SLC35G4: variants seen among roughly 807,000 people sequenced by gnomAD.
The protein encoded by SLC35G4 is solute carrier family 35 member G4.
A neutral mutation model predicts 15.8 loss-of-function variants in SLC35G4; 12 were observed. The ratio of observed to expected loss-of-function variants is 0.76; its 90% CI spans 0.49 to 1.23. The LOEUF (loss-of-function observed/expected upper bound fraction) is 1.23, where lower values mean the gene tolerates loss of function less well. Among genes scored for constraint, SLC35G4 ranks in the 50% most tolerant of loss-of-function variants. The pLI, the probability that SLC35G4 is intolerant of heterozygous loss-of-function variation, is 0.00. For missense variants in SLC35G4, 390 were observed against 422.1 expected (o/e 0.92, Z 0.67); for synonymous variants, 177 against 186.5 (o/e 0.95, Z 0.41).
rs2143128192 is a variant in SLC35G4, at chr18:11,609,631, C to T, written c.36C>T (p.Asp12=). Residue 12 remains aspartate (D), a synonymous_variant, in exon 1 of 1, where the codon GAC becomes GAT. Coordinates refer to ENST00000588001, the MANE Select transcript of SLC35G4 (RefSeq NM_001282300.2). ...AGSHPYFNLP[D]STHPSPPSTP... Reference sequence around the variant, plus strand: ...GTCACCCCTACTTCAACCTGCCTGACTCCACACACCCATCGCCGCCCTCCA... The same window carrying T: ...GTCACCCCTACTTCAACCTGCCTGATTCCACACACCCATCGCCGCCCTCCA... 15 of 1,610,110 alleles carry T rather than the reference C, an allele frequency of 9.3e-6. No homozygotes were observed. The highest frequency in any genetic ancestry group is 2.2e-5 in the East Asian group (1 of 44,802).
In SLC35G4 at chr18:11,610,097, G is replaced by A. The variant is rs759179788; in HGVS notation, c.502G>A (p.Gly168Arg). 19 of 1,613,744 alleles carry A rather than the reference G, an allele frequency of 1.2e-5. No individual in the cohort carries two copies. In the African/African-American group the frequency reaches 2.3e-4, roughly 19 times the overall value. The change falls in exon 1 of 1, where the codon GGA (glycine) becomes AGA (arginine). Residue 168 changes from glycine to arginine, a missense_variant. Gly to Arg is a moderately radical substitution (Grantham distance 125). This residue lies in a region of SLC35G4 where 331 missense variants were observed against 241.1 expected (regional missense o/e 1.37). Transcript: ENST00000588001. ...GTGTGGACTGTTGGGCAGCATCCTAGGACTAATAATCATTGTGGGACCTGG... is the reference window on the plus strand; with the variant it reads ...GTGTGGACTGTTGGGCAGCATCCTAAGACTAATAATCATTGTGGGACCTGG... ...DWCGLLGSIL[G>R]LIIIVGPGLW...
Position 11,610,436 on chromosome 18 carries a change from C to A in SLC35G4, c.841C>A (p.Leu281Met). The A allele has an allele frequency of 6.3e-7, 1 of 1,584,544 alleles. No individual in the cohort carries two copies. Among genetic ancestry groups the A allele is most frequent in the Non-Finnish European group, 8.6e-7 (1 of 1,164,080 alleles). ...TGCGGTCACCAAGGCCCACCCTGCC[C>A]TGGTGTGTGCTGTCCTGCATTCCGA... is the stretch of plus-strand genomic sequence containing the variant. ...GYAVTKAHPA[L>M]VCAVLHSEVV... The change falls in exon 1 of 1, where the codon CTG becomes ATG. Residue 281 changes from leucine to methionine, a missense_variant. By Grantham distance (15) the Leu-to-Met change is conservative (BLOSUM62 2). Around this residue, in one of 2 missense-constraint regions of SLC35G4, gnomAD observed 59 missense variants for 181.0 expected, o/e 0.33. Transcript: ENST00000588001.
rs769772944 is a variant in SLC35G4 at position 11,609,693 on chromosome 18, C to A, written c.98C>A (p.Pro33His). 6.2e-7 allele frequency: 1 copy of A among 1,614,024 alleles called. No homozygotes were observed. Among genetic ancestry groups the A allele is most frequent in the South Asian group, 1.1e-5 (1 of 91,064 alleles). ...CTCCACTGGCACCAGCGCTGCCAGC[C>A]CTCTGATGCCACCAATGGCCTGCTG... is the stretch of plus-strand genomic sequence containing the variant. The part of the protein sequence containing the change: ...PSLHWHQRCQ[P>H]SDATNGLLVA... Residue 33 changes from proline (P) to histidine (H), a missense_variant, in exon 1 of 1, where the codon CCC (proline) becomes CAC (histidine). Pro to His is a moderately conservative substitution (Grantham distance 77, BLOSUM62 -2). Coordinates refer to ENST00000588001, the MANE Select transcript of SLC35G4 (RefSeq NM_001282300.2).
Position 11,610,346 on chromosome 18 carries a change from C to G in SLC35G4, c.751C>G (p.Leu251Val), listed in dbSNP as rs755955877. The change falls in exon 1 of 1, where the codon CTG (leucine) becomes GTG (valine). Residue 251 changes from leucine (L) to valine (V), a missense_variant. Physicochemically the swap from Leu to Val is conservative, Grantham distance 32. Around this residue, in one of 2 missense-constraint regions of SLC35G4, gnomAD observed 59 missense variants for 181.0 expected, o/e 0.33. Transcript: ENST00000588001. Reference protein sequence around the residue: ...LQSPVLPSDLLSWSCVGAVGI... With the variant: ...LQSPVLPSDLVSWSCVGAVGI... ...GTCCCCCGTGTTGCCCAGTGACCTCCTGAGTTGGAGTTGTGTGGGGGCAGT... is the reference window on the plus strand; with the variant it reads ...GTCCCCCGTGTTGCCCAGTGACCTCGTGAGTTGGAGTTGTGTGGGGGCAGT... 1.9e-6 allele frequency: 3 copies of G among 1,603,196 alleles called. No homozygotes were observed. Among genetic ancestry groups the G allele is most frequent in the Non-Finnish European group, 1.7e-6 (2 of 1,174,522 alleles).
At position 11,610,460 on chromosome 18, in the gene SLC35G4, G is replaced by A. The variant is rs570775645; in HGVS notation, c.865G>A (p.Glu289Lys). 164 of 1,552,292 alleles carry A rather than the reference G, an allele frequency of 1.1e-4. 4 individuals are homozygous for A. In the South Asian group the frequency reaches 1.1e-3, roughly 10 times the overall value. Residue 289 changes from glutamate to lysine, a missense_variant, in exon 1 of 1, where the codon GAG becomes AAG. Coordinates refer to ENST00000588001, the MANE Select transcript of SLC35G4 (RefSeq NM_001282300.2). ...CCTGGTGTGTGCTGTCCTGCATTCC[G>A]AGGTGGTGATGGCCCTTATACTGCA... Reference protein sequence around the residue: ...PALVCAVLHSEVVMALILQYF... With the variant: ...PALVCAVLHSKVVMALILQYF...
In SLC35G4 at chr18:11,609,670, C is replaced by T. The variant is rs756723754; in HGVS notation, c.75C>T (p.Leu25=). 2 of 1,613,986 alleles carry T rather than the reference C, an allele frequency of 1.2e-6. No individual in the cohort carries two copies. The highest frequency in any genetic ancestry group is 3.3e-4 in the Middle Eastern group (2 of 6,020). ...CGCCGCCCTCCACTCCACCCAGCCT[C>T]CACTGGCACCAGCGCTGCCAGCCCT... ...HPSPPSTPPS[L]HWHQRCQPSD... Residue 25 remains leucine (L), a synonymous_variant, in exon 1 of 1, where the codon CTC becomes CTT. Transcript: ENST00000588001.
In SLC35G4 at chr18:11,609,973, C is replaced by G; in HGVS notation, c.378C>G (p.Pro126=). Residue 126 remains proline (P), a synonymous_variant, in exon 1 of 1, where the codon CCC becomes CCG. Coordinates refer to ENST00000588001, the MANE Select transcript of SLC35G4 (RefSeq NM_001282300.2). The stretch of plus-strand genomic sequence containing the variant: ...CCTATAGTGCGGTTCAGGTGGTGCC[C>G]ACTGGCAATGCTGCCACTGTTCGCA... The part of the protein sequence containing the change: ...GCAYSAVQVV[P]TGNAATVRKH... 6.2e-7 allele frequency: 1 copy of G among 1,613,998 alleles called. No homozygotes were observed. The highest frequency in any genetic ancestry group is 8.5e-7 in the Non-Finnish European group (1 of 1,179,870).
rs745603970 is a variant in SLC35G4 at position 11,609,776 on chromosome 18, G to T, written c.181G>T (p.Ala61Ser). 1 of 1,613,800 alleles carries T rather than the reference G, an allele frequency of 6.2e-7. No individual in the cohort carries two copies. Among genetic ancestry groups the T allele is most frequent in the Non-Finnish European group, 8.5e-7 (1 of 1,179,832 alleles). ...AGFVGPLSRM[A>S]YQASNLPSLE... ...CTTCGTGGGCCCCCTTTCTCGTATG[G>T]CTTACCAGGCTTCCAACCTGCCCTC... The change falls in exon 1 of 1, where the codon GCT (alanine) becomes TCT (serine). Residue 61 changes from alanine to serine, a missense_variant. Ala to Ser is a moderately conservative substitution (Grantham distance 99, BLOSUM62 1). Coordinates refer to ENST00000588001, the MANE Select transcript of SLC35G4 (RefSeq NM_001282300.2).
Position 11,609,653 on chromosome 18 carries a change from T to C in SLC35G4, c.58T>C (p.Ser20Pro). The C allele has an allele frequency of 6.2e-7, 1 of 1,613,416 alleles. No individual in the cohort carries two copies. The highest frequency in any genetic ancestry group is 8.5e-7 in the Non-Finnish European group (1 of 1,179,618). ...TGACTCCACACACCCATCGCCGCCC[T>C]CCACTCCACCCAGCCTCCACTGGCA... ...LPDSTHPSPP[S>P]TPPSLHWHQR... The change falls in exon 1 of 1, where the codon TCC becomes CCC. Residue 20 changes from serine to proline, a missense_variant. By Grantham distance (74) the Ser-to-Pro change is moderately conservative. Transcript: ENST00000588001.
Position 11,609,887 on chromosome 18 carries a change from C to A in SLC35G4, c.292C>A (p.Pro98Thr), listed in dbSNP as rs1204084002. The A allele has an allele frequency of 6.2e-7, 1 of 1,613,456 alleles. No individual in the cohort carries two copies. The highest frequency in any genetic ancestry group is 1.7e-5 in the Admixed American group (1 of 59,990). The change falls in exon 1 of 1, where the codon CCT (proline) becomes ACT (threonine). Residue 98 changes from proline (P) to threonine (T), a missense_variant. Transcript: ENST00000588001. ...KLRGDPLLGPPDIRGRTCFCA... is the reference protein window; with the variant it reads ...KLRGDPLLGPTDIRGRTCFCA... ...GCGTGGCGACCCCCTTCTGGGACCT[C>A]CTGACATCCGAGGCCGCACCTGCTT...
Position 11,610,303 on chromosome 18 carries a change from A to G in SLC35G4, c.708A>G (p.Pro236=). 1 of 1,605,486 alleles carries G rather than the reference A, an allele frequency of 6.2e-7. No homozygotes were observed. The highest frequency in any genetic ancestry group is 8.5e-7 in the Non-Finnish European group (1 of 1,176,112). ...TGGTGGGGCTGCTGGGCTCTGTGCC[A>G]GGCCTCTTTGTGCTGCAGTCCCCCG... ...SGLVGLLGSV[P]GLFVLQSPVL... Residue 236 remains proline (P), a synonymous_variant, in exon 1 of 1, where the codon CCA becomes CCG. Transcript: ENST00000588001.
Position 11,610,051 on chromosome 18 carries a change from G to C in SLC35G4, c.456G>C (p.Gln152His), listed in dbSNP as rs572545655. 6.2e-7 allele frequency: 1 copy of C among 1,613,990 alleles called. No homozygotes were observed. Among genetic ancestry groups the C allele is most frequent in the South Asian group, 1.1e-5 (1 of 91,078 alleles). ...SAILTLCLESQVLSGYDWCGL... is the reference protein window; with the variant it reads ...SAILTLCLESHVLSGYDWCGL... ...TCCTCACCCTCTGCCTTGAGAGCCA[G>C]GTTCTCAGTGGCTACGACTGGTGTG... Residue 152 changes from glutamine to histidine, a missense_variant, in exon 1 of 1, where the codon CAG becomes CAC. By Grantham distance (24) the Gln-to-His change is conservative (BLOSUM62 0). Coordinates refer to ENST00000588001, the MANE Select transcript of SLC35G4 (RefSeq NM_001282300.2).
rs774408591 is a variant in SLC35G4, at chr18:11,609,929, G to A, written c.334G>A (p.Val112Ile). Reference protein sequence around the residue: ...GRTCFCALLNVLNIGCAYSAV... With the variant: ...GRTCFCALLNILNIGCAYSAV... ...CACCTGCTTCTGTGCCCTGCTCAAC[G>A]TCCTCAACATTGGATGTGCCTATAG... Residue 112 changes from valine to isoleucine, a missense_variant, in exon 1 of 1, where the codon GTC (valine) becomes ATC (isoleucine). Val to Ile is a conservative substitution (Grantham distance 29). Around this residue, in one of 2 missense-constraint regions of SLC35G4, gnomAD observed 331 missense variants for 241.1 expected, o/e 1.37. Transcript: ENST00000588001. The A allele has an allele frequency of 3.5e-5, 56 of 1,613,870 alleles. 1 individual carries two copies. Among genetic ancestry groups the A allele is most frequent in the Middle Eastern group, 1.6e-4 (1 of 6,078 alleles).
At position 11,610,134 on chromosome 18, in the gene SLC35G4, T is replaced by C. The variant is rs773102122; in HGVS notation, c.539T>C (p.Leu180Pro). 5 of 1,612,616 alleles carry C rather than the reference T, an allele frequency of 3.1e-6. No individual in the cohort carries two copies. The highest frequency in any genetic ancestry group is 1.7e-5 in the Admixed American group (1 of 59,988). Reference protein sequence around the residue: ...IIIVGPGLWTLQEGTTGVYTG... With the variant: ...IIIVGPGLWTPQEGTTGVYTG... ...ATTGTGGGACCTGGACTCTGGACAC[T>C]ACAGGAGGGGACCACGGGTGTCTAC... The change falls in exon 1 of 1, where the codon CTA becomes CCA. Residue 180 changes from leucine to proline, a missense_variant. Transcript: ENST00000588001.
In SLC35G4 at chr18:11,610,072, G is replaced by C. The variant is rs565231701; in HGVS notation, c.477G>C (p.Trp159Cys). 169 of 1,613,992 alleles carry C rather than the reference G, an allele frequency of 1.0e-4. No individual in the cohort carries two copies. The highest frequency in any genetic ancestry group is 1.3e-4 in the Non-Finnish European group (158 of 1,179,882). ...LESQVLSGYD[W>C]CGLLGSILGL... The stretch of plus-strand genomic sequence containing the variant: ...GCCAGGTTCTCAGTGGCTACGACTG[G>C]TGTGGACTGTTGGGCAGCATCCTAG... The change falls in exon 1 of 1, where the codon TGG (tryptophan) becomes TGC (cysteine). Residue 159 changes from tryptophan to cysteine, a missense_variant. Around this residue, in one of 2 missense-constraint regions of SLC35G4, gnomAD observed 331 missense variants for 241.1 expected, o/e 1.37. Transcript: ENST00000588001.
rs2029971235 is a variant in SLC35G4, at chr18:11,609,848, C to G, written c.253C>G (p.Leu85Val). The G allele has an allele frequency of 6.2e-7, 1 of 1,613,564 alleles. No homozygotes were observed. The highest frequency in any genetic ancestry group is 8.5e-7 in the Non-Finnish European group (1 of 1,179,772). The change falls in exon 1 of 1, where the codon CTG (leucine) becomes GTG (valine). Residue 85 changes from leucine (L) to valine (V), a missense_variant. By Grantham distance (32) the Leu-to-Val change is conservative. Around this residue, in one of 2 missense-constraint regions of SLC35G4, gnomAD observed 331 missense variants for 241.1 expected, o/e 1.37. Transcript: ENST00000588001. ...ATGCCTCTTCCACCTCCCTATTGCC[C>G]TGCTACTTAAACTGCGTGGCGACCC... ...CRCLFHLPIA[L>V]LLKLRGDPLL...
Position 11,609,683 on chromosome 18 carries a change from C to T in SLC35G4, c.88C>T (p.Arg30Cys), listed in dbSNP as rs117670705. The change falls in exon 1 of 1, where the codon CGC (arginine) becomes TGC (cysteine). Residue 30 changes from arginine (R) to cysteine (C), a missense_variant. Around this residue, in one of 2 missense-constraint regions of SLC35G4, gnomAD observed 331 missense variants for 241.1 expected, o/e 1.37. Transcript: ENST00000588001. Reference protein sequence around the residue: ...STPPSLHWHQRCQPSDATNGL... With the variant: ...STPPSLHWHQCCQPSDATNGL... ...TCCACCCAGCCTCCACTGGCACCAG[C>T]GCTGCCAGCCCTCTGATGCCACCAA... The T allele has an allele frequency of 0.11, 181,549 of 1,613,830 alleles. 13,457 individuals carry two copies. The highest frequency in any genetic ancestry group is 0.34 in the East Asian group (15,250 of 44,832).
chr18:11,609,967 G>A lies in SLC35G4; in HGVS notation c.372G>A (p.Val124=), dbSNP rs1314616824. The stretch of plus-strand genomic sequence containing the variant: ...GATGTGCCTATAGTGCGGTTCAGGT[G>A]GTGCCCACTGGCAATGCTGCCACTG... ...NIGCAYSAVQ[V]VPTGNAATVR... The change falls in exon 1 of 1, where the codon GTG becomes GTA. Residue 124 remains valine, a synonymous_variant. Transcript: ENST00000588001. The A allele has an allele frequency of 6.2e-6, 10 of 1,613,894 alleles. No individual in the cohort carries two copies. The highest frequency in any genetic ancestry group is 1.3e-5 in the African/African-American group (1 of 74,930).
chr18:11,610,032 C>T lies in SLC35G4; in HGVS notation c.437C>T (p.Thr146Ile), dbSNP rs1215880337. 9 of 1,613,880 alleles carry T rather than the reference C, an allele frequency of 5.6e-6. No homozygotes were observed. The highest frequency in any genetic ancestry group is 7.6e-6 in the Non-Finnish European group (9 of 1,179,866). ...TCCACCGTCTGCTCCGCCATCCTCA[C>T]CCTCTGCCTTGAGAGCCAGGTTCTC... ...HSSTVCSAILTLCLESQVLSG... is the reference protein window; with the variant it reads ...HSSTVCSAILILCLESQVLSG... Residue 146 changes from threonine to isoleucine, a missense_variant, in exon 1 of 1, where the codon ACC becomes ATC. Coordinates refer to ENST00000588001, the MANE Select transcript of SLC35G4 (RefSeq NM_001282300.2).
Sources: gnomAD v4.1 joint callset for allele counts on GRCh38, gnomAD v4.1.1 for gene constraint, gnomAD v4.1.1 regional missense constraint, MANE v1.5 for transcripts, NCBI Gene and HGNC (gene_info 2026-07-23, HGNC 2026-07-21) for gene names.